The following TIAM2 variants were observed in gnomAD, a reference collection of about 807,000 sequenced individuals.
TIAM2 encodes TIAM Rac1 associated GEF 2.
In TIAM2, 80 loss-of-function variants were observed where a neutral mutation model predicts 152.9. The observed-to-expected ratio is 0.52, with a 90% CI of 0.44 to 0.63. The LOEUF is 0.63. Among genes scored for constraint, TIAM2 ranks in the 30% least tolerant of loss-of-function variants. The pLI is 0.00. For synonymous variants in TIAM2, 804 were observed against 838.0 expected (o/e 0.96, Z 0.70); for missense variants, 1,965 against 2,120.1 (o/e 0.93, Z 1.44).
intron 1 of TIAM2, among the ~76,000 whole-genome samples, chr6:155,028,359 T>C (rs1434691338): frequency 7.9e-6 from 1 of 126,016 alleles, no homozygotes; most frequent in Non-Finnish European, 1.6e-5. Flanking sequence ...ACATATATAC[T>C]ACATATAATA....
chr6:155,050,376 C>T (rs951492906), intron 1 of TIAM2, among the ~76,000 whole-genome samples: 7 of 152,154 alleles, frequency 4.6e-5, no homozygotes, highest in African/African-American at 1.7e-4. Flanking sequence ...GCTGGCCTAA[C>T]TTTTTGAGGG....
At position 155,127,605 on chromosome 6, in the gene TIAM2, AC is replaced by A. The variant is rs1779327109; in HGVS notation, c.-7+8del. The A allele has an allele frequency of 2.2e-6, 1 of 455,908 alleles. No individual in the cohort carries two copies. The highest frequency in any genetic ancestry group is 2.0e-5 in the African/African-American group (1 of 50,052). The allele number at this position is 455,908 out of a possible 1,614,324, so 28.2% of individuals were successfully genotyped here. ...ACAGCAGAAACTAGACGTCAGGTAA[AC>A]CCAACCCTTGTGCCTGGGGGTCACG... is the stretch of plus-strand genomic sequence containing the variant. On this transcript the variant is annotated splice_donor_region_variant and intron_variant, in intron 3 of 26. Coordinates refer to ENST00000682666, the MANE Select transcript of TIAM2 (RefSeq NM_012454.4).
intron 4 of TIAM2, among the ~76,000 whole-genome samples, chr6:155,136,080 G>A (rs1414629462): frequency 6.6e-6 from 1 of 150,594 alleles, no homozygotes; most frequent in Admixed American, 6.6e-5. Context: ...TGTAATCCCA[G>A]ATACTTGGGA....
In TIAM2 at chr6:155,182,596, G is replaced by A. The variant is rs534263840; in HGVS notation, c.2800+278G>A. 1.0e-3 allele frequency among the ~76,000 whole-genome samples: 158 copies of A among 152,128 alleles called. 2 individuals are homozygous for A. The South Asian group carries it at 0.019, about 18-fold the overall frequency. On this transcript the variant is annotated intron_variant, in intron 13 of 26. Coordinates refer to ENST00000682666, the MANE Select transcript of TIAM2 (RefSeq NM_012454.4). ...GAGACAGAGTGAGACTCCTGCCTCC[G>A]TAAAAAAGGACAGAGAGAGAGAAAA...
chr6:155,152,597 C>T (rs932241083), intron 7 of TIAM2, among the ~76,000 whole-genome samples: 4 of 152,186 alleles, frequency 2.6e-5, no homozygotes, highest in African/African-American at 9.7e-5. Context: ...ATCCGGCAGC[C>T]ACAGCCTGTC....
chr6:155,129,871 G>A lies in TIAM2; in HGVS notation c.648G>A (p.Arg216=). The A allele has an allele frequency of 1.2e-6, 2 of 1,613,736 alleles. No homozygotes were observed. The highest frequency in any genetic ancestry group is 3.3e-5 in the Admixed American group (2 of 60,026). ...CCTCCCCTGTGCCTGAAGCCAGGAG[G>A]GGGTCCAGCGCCGATTCCCTGCCCA... ...SETSPVPEAR[R]GSSADSLPSH... Residue 216 remains arginine, a synonymous_variant, in exon 4 of 27, where the codon AGG becomes AGA. Coordinates refer to ENST00000682666, the MANE Select transcript of TIAM2 (RefSeq NM_012454.4). This position sits in a 1 kb window ranked among gnomAD's most constrained non-coding sequence, Gnocchi z 4.8.
At chr6:155,119,463 T>C (rs9371863) in intron 2 of TIAM2, among the ~76,000 whole-genome samples, 65,227 of 151,816 alleles carry the variant, frequency 0.43, 15,876 homozygotes, top group East Asian at 0.66. Flanking sequence ...CCTCAGCCTC[T>C]CGAATAGCTG....
At chr6:155,028,118 TTACA>T (rs1350303396) in intron 1 of TIAM2, among the ~76,000 whole-genome samples, 1 of 107,586 alleles carries the variant, frequency 9.3e-6, no homozygotes, top group Non-Finnish European at 1.8e-5. Context: ...ATGTACTGTG[TTACA>T]TATATACTAT....
At chr6:155,252,858 G>C in intron 23 of TIAM2, 90 bp from the exon 24 acceptor site, 3 of 1,217,992 alleles carry the variant, frequency 2.5e-6, no homozygotes, top group Non-Finnish European at 3.6e-6. Context: ...CTCGCCCACA[G>C]GGAGAACATA....
chr6:155,099,533 A>T (rs1202949401), intron 2 of TIAM2, among the ~76,000 whole-genome samples: 1 of 152,152 alleles, frequency 6.6e-6, no homozygotes, highest in African/African-American at 2.4e-5. Context: ...GTAATTAATG[A>T]TGGTGTGGTA....
chr6:155,019,541 G>C (rs1249894043), intron 1 of TIAM2, among the ~76,000 whole-genome samples: 1 of 152,160 alleles, frequency 6.6e-6, no homozygotes, highest in Non-Finnish European at 1.5e-5. Flanking sequence ...TGCAAATAGT[G>C]GGGGTGGGCT....
At chr6:155,114,083 T>C (rs1043920725) in intron 2 of TIAM2, among the ~76,000 whole-genome samples, 7 of 131,094 alleles carry the variant, frequency 5.3e-5, no homozygotes, top group Non-Finnish European at 1.1e-4. Context: ...AAATGGAGTC[T>C]TGCTGTGTCA....
chr6:155,114,036 ATTTTTTTTTTTTTCTTTTTTTTTT>A (rs1470688957), intron 2 of TIAM2, among the ~76,000 whole-genome samples: 2 of 34,906 alleles, frequency 5.7e-5, no homozygotes, highest in Non-Finnish European at 1.0e-4. Context: ...ATATATATAT[ATTTTTTTTTTTTTCTTTTTTTTTT>A]TTTTTTTTTT....
At chr6:155,235,893 T>C (rs1782727672) in intron 15 of TIAM2, among the ~76,000 whole-genome samples, 1 of 152,226 alleles carries the variant, frequency 6.6e-6, no homozygotes, top group Non-Finnish European at 1.5e-5. Context: ...TTAGGTGTGA[T>C]TTTTGACATC....
At chr6:155,082,405 CTTTGGGAGG>C (rs1778082607) in intron 1 of TIAM2, among the ~76,000 whole-genome samples, 1 of 152,078 alleles carries the variant, frequency 6.6e-6, no homozygotes, top group Non-Finnish European at 1.5e-5. Context: ...AATCCCAATA[CTTTGGGAGG>C]CTGAGGTGGG....
intron 1 of TIAM2, among the ~76,000 whole-genome samples, chr6:155,024,652 T>TAAAA (rs58181899): frequency 1.2e-4 from 17 of 146,966 alleles, no homozygotes; most frequent in African/African-American, 1.7e-4. Flanking sequence ...TCCATGTCTT[T>TAAAA]AAAAAAAAAA....
At chr6:155,127,384 G>A in intron 2 of TIAM2, 106 bp from the exon 3 acceptor site, 1 of 348,150 alleles carries the variant, frequency 2.9e-6, no homozygotes, top group Non-Finnish European at 5.6e-6. Context: ...AGTGACCCTG[G>A]ACACCAGTTG....
In TIAM2 at chr6:155,045,429, G is replaced by A. The variant is rs745375248; in HGVS notation, c.-208-44860G>A. On this transcript the variant is annotated intron_variant, in intron 1 of 26. Transcript: ENST00000682666. ...CTTACTTTATGGGCACATTTTTCTC[G>A]AGTTTTTCTTAAAATACTTATTAGA... Among the ~76,000 whole-genome samples, 58 of 147,232 alleles carry A rather than the reference G, an allele frequency of 3.9e-4. 1 individual carries two copies. The highest frequency in any genetic ancestry group is 6.9e-4 in the Non-Finnish European group (46 of 67,082).
chr6:155,051,940 G>A (rs1001001404), intron 1 of TIAM2, among the ~76,000 whole-genome samples: 5 of 152,126 alleles, frequency 3.3e-5, no homozygotes, highest in African/African-American at 9.6e-5. Flanking sequence ...GCGCCTGGCC[G>A]GCTGTGGCTT....
Sources: gnomAD v4.1 joint callset for allele counts (sites outside exome capture counted in the v4.1 genomes callset) on GRCh38, gnomAD v4.1.1 for gene constraint, Gnocchi (gnomAD v3.1) non-coding constraint, MANE v1.5 for transcripts, NCBI Gene and HGNC (gene_info 2026-07-23, HGNC 2026-07-21) for gene names.